KCNAB1: variants seen among roughly 807,000 people sequenced by gnomAD.
KCNAB1 encodes potassium voltage-gated channel subfamily A regulatory beta subunit 1, also known as voltage-gated potassium channel subunit beta-1.
A neutral mutation model predicts 64.6 loss-of-function variants in KCNAB1; 35 were observed. That is an observed-to-expected ratio of 0.54 (90% confidence interval 0.41 to 0.72). KCNAB1 has a LOEUF of 0.72. Among genes scored for constraint, KCNAB1 ranks in the 30% least tolerant of loss-of-function variants. KCNAB1 has a pLI of 0.00. For synonymous variants in KCNAB1, 177 were observed against 183.8 expected, an observed-to-expected ratio of 0.96 and a Z score of 0.30; for missense variants, 401 against 512.9, an observed-to-expected ratio of 0.78 and a Z score of 2.11.
chr3:156,469,559 C>G (rs555729656), intron 7 of KCNAB1, among the ~76,000 whole-genome samples: 9 of 152,182 alleles, frequency 5.9e-5, no homozygotes, highest in African/African-American at 1.9e-4. Context: ...ATCTTAAATT[C>G]CCTCCACCTT....
intron 1 of KCNAB1, chr3:156,291,497 T>A: frequency 7.5e-6 from 8 of 1,061,488 alleles, no homozygotes; most frequent in Non-Finnish European, 9.1e-6. Context: ...GAGCCCGCAT[T>A]CAGACACCGC....
chr3:156,122,718 C>T (rs1355448552), intron 1 of KCNAB1, among the ~76,000 whole-genome samples: 1 of 152,066 alleles, frequency 6.6e-6, no homozygotes, highest in African/African-American at 2.4e-5. Flanking sequence ...CTTACATGAT[C>T]AAAAATTAAA....
intron 3 of KCNAB1, among the ~76,000 whole-genome samples, chr3:156,456,574 T>C (rs1172493408): frequency 6.6e-6 from 1 of 152,256 alleles, no homozygotes; most frequent in Admixed American, 6.5e-5. Context: ...GGCTAATTTT[T>C]AAAGCAACAG....
chr3:156,257,768 G>A (rs752755884), intron 1 of KCNAB1, among the ~76,000 whole-genome samples: 2 of 152,126 alleles, frequency 1.3e-5, no homozygotes, highest in Non-Finnish European at 2.9e-5. Flanking sequence ...TCACATGGAT[G>A]GTGACTGGCT....
At chr3:156,505,353 C>G (rs1716763391) in intron 8 of KCNAB1, among the ~76,000 whole-genome samples, 1 of 152,074 alleles carries the variant, frequency 6.6e-6, no homozygotes, top group African/African-American at 2.4e-5. Context: ...CAGCTTTGTT[C>G]TTTTTGCTCA....
intron 1 of KCNAB1, among the ~76,000 whole-genome samples, chr3:156,383,447 ACTT>A (rs1712326198): frequency 6.6e-6 from 1 of 152,140 alleles, no homozygotes; most frequent in Non-Finnish European, 1.5e-5. Context: ...AATTTAGGCC[ACTT>A]CAATCCACTC....
At chr3:156,313,678 A>G (rs1387370792) in intron 1 of KCNAB1, among the ~76,000 whole-genome samples, 1 of 152,216 alleles carries the variant, frequency 6.6e-6, no homozygotes, top group Non-Finnish European at 1.5e-5. Context: ...TCTTGACTTT[A>G]GCAAGTCAAG....
intron 1 of KCNAB1, among the ~76,000 whole-genome samples, chr3:156,412,293 T>C (rs1714722223): frequency 6.6e-6 from 1 of 152,254 alleles, no homozygotes; most frequent in Non-Finnish European, 1.5e-5. Context: ...TTGGGGTTTT[T>C]TTCTACATAG....
intron 1 of KCNAB1, among the ~76,000 whole-genome samples, chr3:156,417,979 T>C (rs73873359): frequency 0.01 from 1,534 of 152,370 alleles, 29 homozygotes; most frequent in African/African-American, 0.033. Context: ...TGCCTCCACA[T>C]TGATGTCATT....
intron 3 of KCNAB1, among the ~76,000 whole-genome samples, chr3:156,455,703 C>T (rs9289967): frequency 0.077 from 11,626 of 151,406 alleles, 1,234 homozygotes; most frequent in African/African-American, 0.24. Flanking sequence ...ACTTCAGGGC[C>T]GCCTCAGTCT....
At chr3:156,235,545 C>T (rs1432996548) in intron 1 of KCNAB1, among the ~76,000 whole-genome samples, 2 of 152,162 alleles carry the variant, frequency 1.3e-5, no homozygotes, top group African/African-American at 2.4e-5. Flanking sequence ...GTTGGTGGCC[C>T]ACGTGGCTGA....
At chr3:156,529,057 TGAG>T (rs757433972) in intron 12 of KCNAB1, among the ~76,000 whole-genome samples, 3 of 152,148 alleles carry the variant, frequency 2.0e-5, no homozygotes, top group East Asian at 1.9e-4. Context: ...CAGCAGTGAC[TGAG>T]GAGGAGAAGA....
intron 1 of KCNAB1, among the ~76,000 whole-genome samples, chr3:156,273,329 A>G (rs1236401323): frequency 1.3e-5 from 2 of 152,178 alleles, no homozygotes; most frequent in African/African-American, 4.8e-5. Flanking sequence ...CTGCCTTTCA[A>G]GTTTATTTAG....
chr3:156,421,226 G>A (rs1715445413), intron 1 of KCNAB1, among the ~76,000 whole-genome samples: 1 of 152,172 alleles, frequency 6.6e-6, no homozygotes, highest in South Asian at 2.1e-4. Flanking sequence ...TGGTAACTGA[G>A]GAAGTAGTGA....
chr3:156,118,888 A>G (rs1713199981), upstream of KCNAB1, among the ~76,000 whole-genome samples: 4 of 152,234 alleles, frequency 2.6e-5, no homozygotes, highest in Admixed American at 6.5e-5. Flanking sequence ...GAACTCCTCA[A>G]TGACTCAAGG....
intron 3 of KCNAB1, chr3:156,456,113 T>C (rs1712408486): frequency 6.6e-6 from 1 of 152,212 alleles, no homozygotes; most frequent in Admixed American, 6.5e-5. Context: ...CCTACGTTTA[T>C]TTTTCTAGTA....
intron 8 of KCNAB1, among the ~76,000 whole-genome samples, chr3:156,502,517 A>G (rs1013809169): frequency 6.8e-6 from 1 of 146,282 alleles, no homozygotes; most frequent in African/African-American, 2.6e-5. Flanking sequence ...ATGAAACCAG[A>G]TCCCTACCTT....
chr3:156,303,017 C>T (rs374427402), intron 1 of KCNAB1, among the ~76,000 whole-genome samples: 7 of 152,176 alleles, frequency 4.6e-5, no homozygotes, highest in African/African-American at 1.4e-4. Context: ...ATAAAACTCA[C>T]GCTGTCCCTG....
At chr3:156,221,800 T>C (rs1715769402) in intron 1 of KCNAB1, among the ~76,000 whole-genome samples, 1 of 147,064 alleles carries the variant, frequency 6.8e-6, no homozygotes, top group Admixed American at 6.7e-5. Flanking sequence ...AAAAAAGTTT[T>C]GTGTCCAGCA....
Sources: gnomAD v4.1 joint callset for allele counts (sites outside exome capture counted in the v4.1 genomes callset) on GRCh38, gnomAD v4.1.1 for gene constraint, MANE v1.5 for transcripts, NCBI Gene and HGNC (gene_info 2026-07-23, HGNC 2026-07-21) for gene names.